The following DIP2C variants were observed in gnomAD, a reference collection of about 807,000 sequenced individuals.
The protein encoded by DIP2C is disco-interacting protein 2 homolog C.
A neutral mutation model predicts 192.4 loss-of-function variants in DIP2C; 33 were observed. The ratio of observed to expected loss-of-function variants is 0.17; its 90% CI spans 0.13 to 0.23. DIP2C has a LOEUF of 0.23. Ranked by LOEUF, DIP2C falls within the 10% of genes least tolerant of loss-of-function variation. The pLI is 1.00. For synonymous variants in DIP2C, 979 were observed against 864.1 expected (o/e 1.13, Z -2.33); for missense variants, 1,537 against 2,110.1 (o/e 0.73, Z 5.32).
intron 13 of DIP2C, among the ~76,000 whole-genome samples, chr10:389,179 C>G (rs1368360939): frequency 1.3e-5 from 2 of 150,964 alleles, no homozygotes; most frequent in Non-Finnish European, 3.0e-5. Context: ...GGCCTCAGGG[C>G]ATCCCAAGGG....
intron 1 of DIP2C, among the ~76,000 whole-genome samples, chr10:540,577 C>G (rs535075403): frequency 1.6e-4 from 24 of 152,302 alleles, no homozygotes; most frequent in Non-Finnish European, 2.8e-4. Context: ...AGGAGGAAAG[C>G]TAGTGTTTGG....
intron 28 of DIP2C, among the ~76,000 whole-genome samples, chr10:342,723 G>A (rs535392464): frequency 6.6e-6 from 1 of 152,220 alleles, no homozygotes; most frequent in South Asian, 2.1e-4. Context: ...CTACACTCCA[G>A]GGCCCTTCAC....
At chr10:462,450 T>C (rs1169283223) in intron 3 of DIP2C, among the ~76,000 whole-genome samples, 1 of 152,170 alleles carries the variant, frequency 6.6e-6, no homozygotes, top group Non-Finnish European at 1.5e-5. Context: ...CCAGGACACA[T>C]ACACCCTCTC....
intron 1 of DIP2C, among the ~76,000 whole-genome samples, chr10:519,775 A>C (rs938073217): frequency 6.6e-6 from 1 of 152,258 alleles, no homozygotes; most frequent in Non-Finnish European, 1.5e-5. Context: ...GTCTAGTTAC[A>C]AACGGACGAC....
intron 10 of DIP2C, among the ~76,000 whole-genome samples, chr10:392,179 G>A (rs531372590): frequency 1.2e-4 from 18 of 152,094 alleles, no homozygotes; most frequent in East Asian, 1.2e-3. Flanking sequence ...CAAACGTCCC[G>A]ACTCTTGAAG....
chr10:685,754 G>C (rs995818996), intron 1 of DIP2C, among the ~76,000 whole-genome samples: 2 of 152,142 alleles, frequency 1.3e-5, no homozygotes, highest in Non-Finnish European at 2.9e-5. Context: ...CTGAGGTAAA[G>C]AGTTCGAGAC....
chr10:392,894 ACAC>A (rs1364523202), intron 10 of DIP2C, among the ~76,000 whole-genome samples: 1 of 332 alleles, frequency 3.0e-3, no homozygotes, highest in Non-Finnish European at 0.016. Context: ...ACACGTGCCC[ACAC>A]ACAGGCGCGC....
intron 30 of DIP2C, among the ~76,000 whole-genome samples, chr10:328,263 G>A (rs976182802): frequency 2.0e-5 from 3 of 152,214 alleles, no homozygotes; most frequent in Non-Finnish European, 2.9e-5. Flanking sequence ...ACGCGCGCAC[G>A]TCTGAGAGGT....
intron 10 of DIP2C, among the ~76,000 whole-genome samples, chr10:398,781 C>A (rs1964186378): frequency 7.5e-6 from 1 of 132,640 alleles, no homozygotes; most frequent in African/African-American, 2.9e-5. Context: ...AAGCAGCATC[C>A]ACCACCCTTC....
At chr10:661,437 G>A (rs971919669) in intron 1 of DIP2C, among the ~76,000 whole-genome samples, 4 of 152,150 alleles carry the variant, frequency 2.6e-5, no homozygotes, top group Admixed American at 2.0e-4. Flanking sequence ...TGCTCCCTGC[G>A]CTTCTCACCA....
intron 1 of DIP2C, among the ~76,000 whole-genome samples, chr10:486,813 A>G (rs562096533): frequency 1.3e-5 from 2 of 152,286 alleles, no homozygotes; most frequent in South Asian, 2.1e-4. Context: ...CTGCCATCTC[A>G]TCCCCACCCG....
chr10:453,321 C>A (rs937907677), intron 3 of DIP2C, among the ~76,000 whole-genome samples: 3 of 151,614 alleles, frequency 2.0e-5, no homozygotes, highest in Non-Finnish European at 4.4e-5. Context: ...AAACAGAAAT[C>A]TCTCGGGTGA....
intron 1 of DIP2C, among the ~76,000 whole-genome samples, chr10:563,451 G>T (rs1322330916): frequency 6.6e-6 from 1 of 152,218 alleles, no homozygotes; most frequent in Non-Finnish European, 1.5e-5. Context: ...GAGTCTTCAT[G>T]AGAAAGTGAC....
intron 1 of DIP2C, among the ~76,000 whole-genome samples, chr10:568,182 CTG>C (rs1849558466): frequency 6.6e-6 from 1 of 152,202 alleles, no homozygotes. Flanking sequence ...GGCCCAGGGA[CTG>C]AACCAGGAGG....
At chr10:319,847 G>C (rs111575043) in intron 31 of DIP2C, among the ~76,000 whole-genome samples, 1 of 152,296 alleles carries the variant, frequency 6.6e-6, no homozygotes, top group Non-Finnish European at 1.5e-5. Context: ...AATTAGGAAA[G>C]TTCACTTCTC....
At chr10:650,592 T>C (rs1855815875) in intron 1 of DIP2C, 1 of 619,460 alleles carries the variant, frequency 1.6e-6, no homozygotes. Context: ...CCCCTTCAGT[T>C]TGCAGGGGCT....
At chr10:362,397 C>T in intron 22 of DIP2C, 93 bp downstream of exon 22, 1 of 1,416,358 alleles carries the variant, frequency 7.1e-7, no homozygotes, top group Middle Eastern at 2.6e-4. Context: ...CAGCTTCCTG[C>T]AAGCAGCCCT....
intron 1 of DIP2C, among the ~76,000 whole-genome samples, chr10:532,772 T>TGTGTGAGAGAGTATGG (rs1847490501): frequency 1.3e-5 from 2 of 150,498 alleles, no homozygotes; most frequent in South Asian, 4.3e-4. Context: ...AGAGTATGGG[T>TGTGTGAGAGAGTATGG]GTGTGAGAGA....
chr10:465,107 T>G (rs1589854813), intron 3 of DIP2C, among the ~76,000 whole-genome samples: 1 of 121,708 alleles, frequency 8.2e-6, no homozygotes, highest in South Asian at 3.3e-4. Flanking sequence ...TAGACCAATA[T>G]CCTTGATGAA....
Sources: allele counts gnomAD v4.1 joint callset (sites outside exome capture counted in the v4.1 genomes callset), GRCh38; gene constraint gnomAD v4.1.1; transcripts MANE v1.5; gene names NCBI Gene and HGNC (gene_info 2026-07-23, HGNC 2026-07-21).